The following VWF variants were observed in gnomAD, a reference collection of about 807,000 sequenced individuals.
VWF encodes Factor VIII related antigen.
In VWF, 176 loss-of-function variants were observed where a neutral mutation model predicts 308.6. That is an observed-to-expected ratio of 0.57 (90% confidence interval 0.50 to 0.65). The LOEUF (loss-of-function observed/expected upper bound fraction) is 0.65. VWF is among the 30% of genes least tolerant of loss of function. The pLI is 0.00. For missense variants in VWF, 3,146 were observed against 3,648.2 expected, an observed-to-expected ratio of 0.86 and a Z score of 3.55; for synonymous variants, 1,385 against 1,443.4, an observed-to-expected ratio of 0.96 and a Z score of 0.92.
rs1299740952 is a variant in VWF at position 6,011,337 on chromosome 12, A to G, written c.5842+280T>C. Among the ~76,000 whole-genome samples, 4 of 152,242 alleles carry G rather than the reference A, an allele frequency of 2.6e-5. No individual in the cohort carries two copies. In the South Asian group the frequency reaches 8.3e-4, roughly 32 times the overall value. The stretch of plus-strand genomic sequence containing the variant: ...GGTTGACTTGCCAACAGCCAAGCTG[A>G]GCATTGACCTCAGAAAAGCAATTCT... On this transcript the variant is annotated intron_variant, in intron 34 of 51. Coordinates refer to ENST00000261405, the MANE Select transcript of VWF (RefSeq NM_000552.5).
intron 15 of VWF, among the ~76,000 whole-genome samples, chr12:6,054,015 G>A (rs1395841199): frequency 6.6e-6 from 1 of 152,170 alleles, no homozygotes; most frequent in South Asian, 2.1e-4. Flanking sequence ...ACCAGCTGCT[G>A]CCCAAGAAAT....
intron 6 of VWF, among the ~76,000 whole-genome samples, chr12:6,083,123 C>A (rs541616825): frequency 6.6e-6 from 1 of 152,254 alleles, no homozygotes; most frequent in South Asian, 2.1e-4. Flanking sequence ...ACTTTCAAAG[C>A]GTGTGACTTT....
Position 6,075,290 on chromosome 12 carries a change from C to G in VWF, c.874+45G>C. ...CCTAAGGGACACCACCCAGGACAGA[C>G]CGTTCATCCCCGGCAGGGCAGGACG... On this transcript the variant is annotated intron_variant, in intron 7 of 51. Coordinates refer to ENST00000261405, the MANE Select transcript of VWF (RefSeq NM_000552.5). The surrounding 1 kb of genome is among the most constrained non-coding windows in gnomAD (Gnocchi z 4.7). 6.2e-7 allele frequency: 1 copy of G among 1,612,262 alleles called. No homozygotes were observed. Among genetic ancestry groups the G allele is most frequent in the Non-Finnish European group, 8.5e-7 (1 of 1,179,096 alleles).
At chr12:5,964,419 A>C (rs943342780) in intron 47 of VWF, among the ~76,000 whole-genome samples, 2 of 152,312 alleles carry the variant, frequency 1.3e-5, no homozygotes, top group East Asian at 3.9e-4. Flanking sequence ...CCCCCAAAAA[A>C]CAGAAAGAAC....
intron 34 of VWF, among the ~76,000 whole-genome samples, chr12:5,998,971 C>T (rs1177397031): frequency 6.6e-6 from 1 of 152,176 alleles, no homozygotes; most frequent in East Asian, 1.9e-4. Context: ...TCGTGATCTG[C>T]CTTGACCTCC....
At chr12:5,989,793 C>T (rs1180315314) in intron 38 of VWF, among the ~76,000 whole-genome samples, 1 of 152,174 alleles carries the variant, frequency 6.6e-6, no homozygotes, top group Admixed American at 6.5e-5. Context: ...GCCAGAAATG[C>T]TGCAAACTTG....
intron 47 of VWF, among the ~76,000 whole-genome samples, chr12:5,962,953 C>A (rs574336731): frequency 2.6e-5 from 4 of 152,182 alleles, no homozygotes; most frequent in African/African-American, 9.7e-5. Context: ...GAGACCCCTA[C>A]TTTATACCAC....
At chr12:6,090,861 G>A (rs1457391228) in intron 6 of VWF, among the ~76,000 whole-genome samples, 2 of 152,266 alleles carry the variant, frequency 1.3e-5, no homozygotes, top group South Asian at 2.1e-4. Context: ...CGCTCACGCC[G>A]AGGCCCAGGG....
At chr12:6,008,945 A>G (rs1943961736) in intron 34 of VWF, among the ~76,000 whole-genome samples, 2 of 152,174 alleles carry the variant, frequency 1.3e-5, no homozygotes, top group African/African-American at 4.8e-5. Flanking sequence ...ACCCAAAATC[A>G]AACTTAAACA....
chr12:6,114,203 A>ACTCCAG (rs1945340990), intron 3 of VWF, among the ~76,000 whole-genome samples: 2 of 152,118 alleles, frequency 1.3e-5, no homozygotes, highest in East Asian at 3.9e-4. Context: ...GGTGGGTGGG[A>ACTCCAG]CCAAGTCTCC....
intron 13 of VWF, among the ~76,000 whole-genome samples, chr12:6,061,467 A>C (rs938163210): frequency 7.0e-6 from 1 of 143,484 alleles, no homozygotes; most frequent in African/African-American, 2.9e-5. Flanking sequence ...TATTTTCATA[A>C]AAGGAAAAAA....
chr12:5,992,632 T>A (rs1346183674), intron 37 of VWF, among the ~76,000 whole-genome samples: 1 of 152,248 alleles, frequency 6.6e-6, no homozygotes, highest in African/African-American at 2.4e-5. Context: ...ATGTCTTTTA[T>A]GCTTGAAAAG....
chr12:6,099,010 GA>G (rs11429073), intron 5 of VWF, among the ~76,000 whole-genome samples: 3 of 150,948 alleles, frequency 2.0e-5, no homozygotes, highest in Non-Finnish European at 3.0e-5. Flanking sequence ...AAGTTCACAA[GA>G]AAAAAAATCT....
At chr12:6,031,355 C>G in intron 21 of VWF, 89 bp downstream of exon 21, 1 of 1,603,904 alleles carries the variant, frequency 6.2e-7, no homozygotes, top group East Asian at 2.2e-5. Flanking sequence ...TCCATTCACA[C>G]GAGCTCTAAA....
chr12:6,016,456 T>C, intron 30 of VWF, 60 bp downstream of exon 30: 1 of 1,578,640 alleles, frequency 6.3e-7, no homozygotes, highest in Admixed American at 1.8e-5. Flanking sequence ...CACAGTCACT[T>C]ATGCCAAAAA....
intron 5 of VWF, among the ~76,000 whole-genome samples, chr12:6,105,480 G>A (rs1407818802): frequency 1.3e-5 from 2 of 152,018 alleles, no homozygotes; most frequent in Admixed American, 6.6e-5. Context: ...CATCCACCTC[G>A]GCCTCCTGAA....
At position 6,075,587 on chromosome 12, in the gene VWF, G is replaced by A. The variant is rs367837310; in HGVS notation, c.658-36C>T. 248 of 1,593,502 alleles carry A rather than the reference G, an allele frequency of 1.6e-4. No individual in the cohort carries two copies. The highest frequency in any genetic ancestry group is 3.2e-4 in the African/African-American group (24 of 74,398). On this transcript the variant is annotated intron_variant, in intron 6 of 51. Coordinates refer to ENST00000261405, the MANE Select transcript of VWF (RefSeq NM_000552.5). The surrounding 1 kb of genome is among the most constrained non-coding windows in gnomAD (Gnocchi z 4.7). ...AGGGGCCGCCTCAGCGGTATGCTCC[G>A]TTAGTGTCTCCCTGAGTGTGGCACT...
chr12:6,026,422 C>T (rs1944193826), intron 22 of VWF, among the ~76,000 whole-genome samples: 1 of 152,150 alleles, frequency 6.6e-6, no homozygotes, highest in Non-Finnish European at 1.5e-5. Flanking sequence ...CACTGCTCCA[C>T]CAATGGAGGT....
intron 45 of VWF, 124 bp from the exon 46 acceptor site, chr12:5,968,291 T>C: frequency 8.2e-7 from 1 of 1,214,074 alleles, no homozygotes. Context: ...CGGTCGGCCC[T>C]TTCCCCCCAC....
Sources: allele counts gnomAD v4.1 joint callset (sites outside exome capture counted in the v4.1 genomes callset), GRCh38; gene constraint gnomAD v4.1.1; non-coding constraint Gnocchi (gnomAD v3.1); transcripts MANE v1.5; gene names NCBI Gene and HGNC (gene_info 2026-07-23, HGNC 2026-07-21).